CSMD2: variants seen among roughly 807,000 people sequenced by gnomAD.
The protein encoded by CSMD2 is CUB and Sushi multiple domains 2.
A neutral mutation model predicts 398.5 loss-of-function variants in CSMD2; 130 were observed. The observed-to-expected ratio is 0.33, with a 90% CI of 0.28 to 0.38. The LOEUF (loss-of-function observed/expected upper bound fraction) is 0.38, where lower values mean the gene tolerates loss of function less well. Among genes scored for constraint, CSMD2 ranks in the 10% least tolerant of loss-of-function variants. The probability of loss-of-function intolerance (pLI) is 1.00; values close to 1 mark genes in which losing one functional copy is unlikely to be tolerated. For missense variants in CSMD2, 3,829 were observed against 4,764.9 expected (o/e 0.80, Z 5.78); for synonymous variants, 1,828 against 1,908.5 (o/e 0.96, Z 1.10).
In CSMD2 at chr1:33,623,242, C is replaced by T. The variant is rs186928150; in HGVS notation, c.5722+128G>A. 4.6e-5 allele frequency: 32 copies of T among 689,370 alleles called. No homozygotes were observed. The East Asian group carries it at 8.1e-4, about 17-fold the overall frequency. The allele number at this position is 689,370 out of a possible 1,614,324, so 42.7% of individuals were successfully genotyped here. ...AATCTCCTGAAAACCACTGATGTGT[C>T]CACTTGAAAATGGTGAATTTCATGG... On this transcript the variant is annotated intron_variant, in intron 36 of 70. Transcript: ENST00000373381.
chr1:34,089,181 G>A lies in CSMD2; in HGVS notation c.200C>T (p.Thr67Met), dbSNP rs754917632. 2.6e-5 allele frequency: 42 copies of A among 1,613,942 alleles called. No homozygotes were observed. The highest frequency in any genetic ancestry group is 2.5e-4 in the Admixed American group (15 of 59,990). Residue 67 changes from threonine (T) to methionine (M), a missense_variant, in exon 2 of 71, where the codon ACG (threonine) becomes ATG (methionine). Thr to Met is a moderately conservative substitution (Grantham distance 81). This residue lies in a region of CSMD2 where 184 missense variants were observed against 217.7 expected (regional missense o/e 0.85). Coordinates refer to ENST00000373381, the MANE Select transcript of CSMD2 (RefSeq NM_001281956.2). ...CCCATTGGGACCGTGCAGTTGGAACGTGCAGTTCTGGCCTGGGAAAGAGAA... is the reference window on the plus strand; with the variant it reads ...CCCATTGGGACCGTGCAGTTGGAACATGCAGTTCTGGCCTGGGAAAGAGAA... ...SVSAAAGQNC[T>M]FQLHGPNGTV...
chr1:34,068,330 T>C (rs538841937), intron 2 of CSMD2, among the ~76,000 whole-genome samples: 1 of 152,372 alleles, frequency 6.6e-6, no homozygotes, highest in South Asian at 2.1e-4. Context: ...ACTTAAACTT[T>C]TCTCTTTTCT....
intron 4 of CSMD2, among the ~76,000 whole-genome samples, chr1:33,932,825 C>T (rs1268846642): frequency 6.6e-6 from 1 of 152,132 alleles, no homozygotes; most frequent in Non-Finnish European, 1.5e-5. Context: ...GGAGGGGAGA[C>T]ATTAGACTGC....
chr1:33,903,125 C>T (rs1642860296), intron 5 of CSMD2, among the ~76,000 whole-genome samples: 1 of 152,086 alleles, frequency 6.6e-6, no homozygotes, highest in African/African-American at 2.4e-5. Context: ...CCTCACAGAC[C>T]AAAACTCTCT....
chr1:34,116,454 TA>T (rs377688602), intron 1 of CSMD2, among the ~76,000 whole-genome samples: 44 of 152,100 alleles, frequency 2.9e-4, no homozygotes, highest in African/African-American at 1.0e-3. Flanking sequence ...ATAACAATTA[TA>T]AACATATATG....
intron 57 of CSMD2, among the ~76,000 whole-genome samples, chr1:33,544,228 T>G (rs1656648464): frequency 1.4e-5 from 2 of 145,250 alleles, no homozygotes; most frequent in South Asian, 4.7e-4. Flanking sequence ...TGCCTCAACC[T>G]CCCGAGTACC....
At chr1:33,982,465 A>T (rs1268355963) in intron 3 of CSMD2, among the ~76,000 whole-genome samples, 1 of 152,174 alleles carries the variant, frequency 6.6e-6, no homozygotes, top group Non-Finnish European at 1.5e-5. Flanking sequence ...CCTCATTAGC[A>T]AACTGTGGAA....
chr1:34,045,847 C>T (rs1024394747), intron 2 of CSMD2, among the ~76,000 whole-genome samples: 1 of 152,178 alleles, frequency 6.6e-6, no homozygotes, highest in Non-Finnish European at 1.5e-5. Flanking sequence ...ATGTGCTCTA[C>T]CCCAACGGTT....
intron 5 of CSMD2, among the ~76,000 whole-genome samples, chr1:33,891,203 G>GA (rs201326020): frequency 0.025 from 3,632 of 144,766 alleles, 62 homozygotes; most frequent in Non-Finnish European, 0.038. Context: ...AAATTTACAA[G>GA]AAAAAAAAAA....
chr1:33,553,166 T>G (rs1256444157), intron 55 of CSMD2, among the ~76,000 whole-genome samples: 1 of 152,090 alleles, frequency 6.6e-6, no homozygotes, highest in Non-Finnish European at 1.5e-5. Context: ...CAGATGTTGT[T>G]TTTTTTACAA....
rs542785342 is a variant in CSMD2 at position 33,969,779 on chromosome 1, G to C, written c.518-33825C>G. 1.2e-3 allele frequency among the ~76,000 whole-genome samples: 181 copies of C among 151,936 alleles called. 1 individual carries two copies. The highest frequency in any genetic ancestry group is 4.0e-3 in the African/African-American group (165 of 41,446). On this transcript the variant is annotated intron_variant, in intron 3 of 70. Transcript: ENST00000373381. ...TGAGTGAGTGTGTATGCTTCAGATT[G>C]TAAGTGGCTTTCCTCAGATCACACT...
intron 3 of CSMD2, among the ~76,000 whole-genome samples, chr1:33,948,652 A>G (rs1167345839): frequency 6.6e-6 from 1 of 152,202 alleles, no homozygotes; most frequent in Admixed American, 6.5e-5. Flanking sequence ...ATTTCCATAT[A>G]GCCTCTTTGG....
chr1:33,910,982 C>A (rs1198666973), intron 5 of CSMD2, among the ~76,000 whole-genome samples: 1 of 152,184 alleles, frequency 6.6e-6, no homozygotes, highest in Non-Finnish European at 1.5e-5. Flanking sequence ...AGGGGAACTT[C>A]TTTATACCTC....
intron 5 of CSMD2, chr1:33,864,829 C>T: frequency 8.1e-7 from 1 of 1,241,272 alleles, no homozygotes; most frequent in African/African-American, 1.6e-5. Context: ...ATTAGAGTAG[C>T]TGTGACTGAT....
Position 33,534,919 on chromosome 1 carries a change from T to A in CSMD2, c.9880-1012A>T, listed in dbSNP as rs138917489. Among the ~76,000 whole-genome samples the A allele has an allele frequency of 8.0e-4, 122 of 152,326 alleles. No homozygotes were observed. The Middle Eastern group carries it at 0.01, about 13-fold the overall frequency. On this transcript the variant is annotated intron_variant, in intron 62 of 70. Coordinates refer to ENST00000373381, the MANE Select transcript of CSMD2 (RefSeq NM_001281956.2). The stretch of plus-strand genomic sequence containing the variant: ...GCGTTCAGGATCACTTCTCACCTTC[T>A]TTTTCCCTGGAGTCATGACAACAGT...
At position 33,514,314 on chromosome 1, in the gene CSMD2, TTGTA is replaced by T. The variant is rs1653572311; in HGVS notation, c.*2306_*2309del. On this transcript the variant is annotated 3_prime_UTR_variant, in exon 71 of 71. Coordinates refer to ENST00000373381, the MANE Select transcript of CSMD2 (RefSeq NM_001281956.2). ...TTTCTTTTTTGGTACTGTACAAACTTTGTATAATAAAAATATATCTCTGTACAAA... is the reference window on the plus strand; with the variant it reads ...TTTCTTTTTTGGTACTGTACAAACTTTAATAAAAATATATCTCTGTACAAA... 1.3e-5 allele frequency: 2 copies of T among 152,326 alleles called. No homozygotes were observed. Among genetic ancestry groups the T allele is most frequent in the African/African-American group, 4.8e-5 (2 of 41,490 alleles). The allele number at this position is 152,326 out of a possible 1,614,324, so 9.4% of individuals were successfully genotyped here.
In CSMD2 at chr1:33,658,076, G is replaced by A; in HGVS notation, c.4317C>T (p.Asp1439=). The A allele has an allele frequency of 2.5e-6, 4 of 1,614,226 alleles. No individual in the cohort carries two copies. The highest frequency in any genetic ancestry group is 3.4e-6 in the Non-Finnish European group (4 of 1,180,036). Residue 1439 remains aspartate, a synonymous_variant, in exon 27 of 71, where the codon GAC becomes GAT. Coordinates refer to ENST00000373381, the MANE Select transcript of CSMD2 (RefSeq NM_001281956.2). ...GIPQNGSRSG[D]SWEAGDSTVF... is the part of the protein sequence containing the mutation. ...CTGTGGAGTCGCCGGCTTCCCAACTGTCACCACTCCGACTCCCATTCTGCG... is the reference window on the plus strand; with the variant it reads ...CTGTGGAGTCGCCGGCTTCCCAACTATCACCACTCCGACTCCCATTCTGCG...
At chr1:34,111,031 A>C (rs1377184214) in intron 1 of CSMD2, among the ~76,000 whole-genome samples, 1 of 152,156 alleles carries the variant, frequency 6.6e-6, no homozygotes, top group Non-Finnish European at 1.5e-5. Flanking sequence ...CACCCTATGT[A>C]ATTTACTTAT....
chr1:33,712,889 C>A (rs1243423243), intron 21 of CSMD2, among the ~76,000 whole-genome samples: 2 of 152,082 alleles, frequency 1.3e-5, no homozygotes, highest in Admixed American at 6.6e-5. Context: ...ACGGAGTAAA[C>A]CCTGGGGTTA....
Sources: gnomAD v4.1 joint callset for allele counts (sites outside exome capture counted in the v4.1 genomes callset) on GRCh38, gnomAD v4.1.1 for gene constraint, gnomAD v4.1.1 regional missense constraint, MANE v1.5 for transcripts, NCBI Gene and HGNC (gene_info 2026-07-23, HGNC 2026-07-21) for gene names.